The following PTPN3 variants were observed in gnomAD, a reference collection of about 807,000 sequenced individuals.
PTPN3 encodes the protein tyrosine-protein phosphatase non-receptor type 3.
A neutral mutation model predicts 132.7 loss-of-function variants in PTPN3; 96 were observed. That is an observed-to-expected ratio of 0.72 (90% CI 0.61 to 0.86). The LOEUF is 0.86. Among genes scored for constraint, PTPN3 ranks in the 40% least tolerant of loss-of-function variants. PTPN3 has a pLI of 0.00. For synonymous variants in PTPN3, 398 were observed against 429.0 expected (o/e 0.93, Z 0.89); for missense variants, 1,125 against 1,159.6 (o/e 0.97, Z 0.43).
the PTPN3 span, among the ~76,000 whole-genome samples, chr9:109,526,835 A>G: frequency 6.6e-6 from 1 of 152,232 alleles, no homozygotes; most frequent in East Asian, 1.9e-4. Context: ...CAAAGGAAAT[A>G]GAATAGAGAT....
intron 14 of PTPN3, among the ~76,000 whole-genome samples, chr9:109,413,885 C>T (rs1180836764): frequency 3.3e-5 from 5 of 152,274 alleles, no homozygotes; most frequent in Middle Eastern, 3.4e-3. Context: ...CACTCCCGCA[C>T]GAAGCTCTCC....
Position 109,406,462 on chromosome 9 carries a change from C to T in PTPN3, c.1792G>A (p.Ala598Thr), listed in dbSNP as rs1383970512. 2 of 1,613,760 alleles carry T rather than the reference C, an allele frequency of 1.2e-6. No homozygotes were observed. The highest frequency in any genetic ancestry group is 8.5e-7 in the Non-Finnish European group (1 of 1,179,722). ...GCTCCTCCCCCCAGGTGGCCATTACCTCTCCTCCTGATCACCAGGGCCAGC... is the reference window on the plus strand; with the variant it reads ...GCTCCTCCCCCCAGGTGGCCATTACTTCTCCTCCTGATCACCAGGGCCAGC... ...RELALVIRRRAVRSFADFKSE... is the reference protein window; with the variant it reads ...RELALVIRRRTVRSFADFKSE... Residue 598 changes from alanine (A) to threonine (T), a missense_variant and splice_region_variant, in exon 18 of 26, where the codon GCT becomes ACT. By Grantham distance (58) the Ala-to-Thr change is moderately conservative. Transcript: ENST00000374541.
intron 2 of PTPN3, among the ~76,000 whole-genome samples, chr9:109,459,554 C>CT (rs981458037): frequency 6.6e-6 from 1 of 152,120 alleles, no homozygotes; most frequent in African/African-American, 2.4e-5. Context: ...GGCTCTAAGA[C>CT]TTTTTTATTT....
chr9:109,483,663 G>T (rs115741424), intron 1 of PTPN3, among the ~76,000 whole-genome samples: 2 of 152,048 alleles, frequency 1.3e-5, no homozygotes, highest in African/African-American at 2.4e-5. Flanking sequence ...CACTCCATAC[G>T]TCTCCCAAAG....
At chr9:109,436,860 C>A in intron 9 of PTPN3, 23 bp downstream of exon 9, 1 of 1,599,878 alleles carries the variant, frequency 6.3e-7, no homozygotes, top group Admixed American at 1.8e-5. Context: ...ATGTTTGAGC[C>A]AAGACATAAC....
chr9:109,403,367 A>G (rs992308399), intron 19 of PTPN3, among the ~76,000 whole-genome samples: 5 of 152,198 alleles, frequency 3.3e-5, no homozygotes. Flanking sequence ...GTTTTCTAAT[A>G]AATAATGCAT....
chr9:109,496,395 A>G (rs1234839693), intron 1 of PTPN3, among the ~76,000 whole-genome samples: 2 of 152,210 alleles, frequency 1.3e-5, no homozygotes, highest in Non-Finnish European at 2.9e-5. Context: ...AAGCCTCCAT[A>G]CAACAAAGGG....
the PTPN3 span, among the ~76,000 whole-genome samples, chr9:109,526,696 T>C: frequency 6.6e-6 from 1 of 151,866 alleles, no homozygotes; most frequent in African/African-American, 2.4e-5. Flanking sequence ...AAACAAAATT[T>C]ATGTGAGAGC....
At chr9:109,401,318 G>GT (rs1841077336) in intron 19 of PTPN3, among the ~76,000 whole-genome samples, 1 of 152,200 alleles carries the variant, frequency 6.6e-6, no homozygotes, top group African/African-American at 2.4e-5. Flanking sequence ...CTTGTTAAAA[G>GT]TATCAGTATC....
chr9:109,400,256 C>T (rs957540815), intron 19 of PTPN3, among the ~76,000 whole-genome samples: 1 of 152,168 alleles, frequency 6.6e-6, no homozygotes, highest in African/African-American at 2.4e-5. Flanking sequence ...AGACATTGGG[C>T]ATGTTCTACA....
rs3831343 is a variant in PTPN3, at chr9:109,408,440, A to AC, written c.1579-64_1579-63insG. ...TTAAGTTAAACAAACAAACAAACAA[A>AC]AAAACGAGTAGCTCACAGCATCAAC... is the stretch of plus-strand genomic sequence containing the variant. On this transcript the variant is annotated intron_variant, in intron 16 of 25. Transcript: ENST00000374541. The AC allele has an allele frequency of 2.5e-4, 330 of 1,328,862 alleles. No homozygotes were observed. In the Middle Eastern group the frequency reaches 4.3e-3, roughly 17 times the overall value. 82.3% of individuals were successfully genotyped at this position (1,328,862 alleles called of 1,614,324 possible).
At chr9:109,416,381 A>G (rs1588377183) in intron 14 of PTPN3, among the ~76,000 whole-genome samples, 1 of 152,038 alleles carries the variant, frequency 6.6e-6, no homozygotes, top group Non-Finnish European at 1.5e-5. Flanking sequence ...ACTGCCGCCA[A>G]AGCTGAAGAA....
In PTPN3 at chr9:109,379,439, A is replaced by G; in HGVS notation, c.*117T>C. The stretch of plus-strand genomic sequence containing the variant: ...AGAAGTTTAAAGTGCCTGGGTTCAG[A>G]GGTGCCCATTCCTTTCCCACAGCTA... On this transcript the variant is annotated 3_prime_UTR_variant, in exon 26 of 26. Coordinates refer to ENST00000374541, the MANE Select transcript of PTPN3 (RefSeq NM_002829.4). 1.2e-6 allele frequency: 1 copy of G among 854,370 alleles called. No individual in the cohort carries two copies. The highest frequency in any genetic ancestry group is 1.5e-5 in the South Asian group (1 of 66,092). 52.9% of individuals were successfully genotyped at this position (854,370 alleles called of 1,614,324 possible).
the PTPN3 span, among the ~76,000 whole-genome samples, chr9:109,508,867 A>G: frequency 1.3e-5 from 2 of 151,500 alleles, no homozygotes; most frequent in Non-Finnish European, 2.9e-5. Flanking sequence ...CCCCCCACCC[A>G]CCAACCTCCA....
rs1205044185 is a variant in PTPN3, at chr9:109,404,510, C to G, written c.1891G>C (p.Glu631Gln). 1.3e-6 allele frequency: 2 copies of G among 1,563,336 alleles called. No homozygotes were observed. Among genetic ancestry groups the G allele is most frequent in the Admixed American group, 1.7e-5 (1 of 57,634 alleles). The change falls in exon 19 of 26, where the codon GAG (glutamate) becomes CAG (glutamine). Residue 631 changes from glutamate (E) to glutamine (Q), a missense_variant. Transcript: ENST00000374541. ...PMCPEGGDTLEGSMAQLKKGL... is the reference protein window; with the variant it reads ...PMCPEGGDTLQGSMAQLKKGL... ...TTCTTTAGCTGTGCCATGGATCCCT[C>G]CAAAGTGTCCCCACCCTCCGGACAC...
intron 17 of PTPN3, 56 bp from the exon 18 acceptor site, chr9:109,406,674 A>C: frequency 6.3e-7 from 1 of 1,594,142 alleles, no homozygotes. Context: ...TCCTTGGGGG[A>C]AGAACGCTGA....
At chr9:109,461,806 T>C (rs1278097815) in intron 2 of PTPN3, among the ~76,000 whole-genome samples, 1 of 152,110 alleles carries the variant, frequency 6.6e-6, no homozygotes, top group Non-Finnish European at 1.5e-5. Context: ...AAATGTCCAA[T>C]TGCCACATGC....
Position 109,376,716 on chromosome 9 carries a change from T to G in PTPN3, c.*2840A>C, listed in dbSNP as rs1052204780. ...TCCTGATTCTGATGTAGTTCTTCAC[T>G]TAGGACTAAAAAAAGGCTTAAGTAT... On this transcript the variant is annotated 3_prime_UTR_variant, in exon 26 of 26. Transcript: ENST00000374541. 1 of 152,212 alleles carries G rather than the reference T, an allele frequency of 6.6e-6. No homozygotes were observed. The highest frequency in any genetic ancestry group is 1.5e-5 in the Non-Finnish European group (1 of 68,036). 9.4% of individuals were successfully genotyped at this position (152,212 alleles called of 1,614,324 possible).
rs1841735269 is a variant in PTPN3, at chr9:109,408,330, T to A, written c.1626A>T (p.Pro542=). The A allele has an allele frequency of 6.3e-7, 1 of 1,576,636 alleles. No homozygotes were observed. Among genetic ancestry groups the A allele is most frequent in the African/African-American group, 1.3e-5 (1 of 74,192 alleles). The change falls in exon 17 of 26, where the codon CCA becomes CCT. Residue 542 remains proline, a synonymous_variant. Coordinates refer to ENST00000374541, the MANE Select transcript of PTPN3 (RefSeq NM_002829.4). The part of the protein sequence containing the change: ...KMPLVVSRIN[P]ESPADTCIPK... ...GAATGTATTTACTTACAGGTGACTC[T>A]GGGTTTATCCTTGATACCACAAGAG... is the stretch of plus-strand genomic sequence containing the variant.
Sources: allele counts gnomAD v4.1 joint callset (sites outside exome capture counted in the v4.1 genomes callset), GRCh38; gene constraint gnomAD v4.1.1; transcripts MANE v1.5; gene names NCBI Gene and HGNC (gene_info 2026-07-23, HGNC 2026-07-21).